Variants in TCF12 observed in about 807,000 individuals in gnomAD.
TCF12 encodes the protein transcription factor 12.
In TCF12, 45 loss-of-function variants were observed where a neutral mutation model predicts 86.0. The ratio of observed to expected loss-of-function variants is 0.52; its 90% CI spans 0.41 to 0.67. TCF12 has a LOEUF of 0.67. TCF12 is among the 30% of genes least tolerant of loss of function. The pLI is 0.00. For missense variants in TCF12, 881 were observed against 859.9 expected (o/e 1.02, Z -0.31); for synonymous variants, 330 against 299.6 (o/e 1.10, Z -1.05).
intron 3 of TCF12, among the ~76,000 whole-genome samples, chr15:56,964,453 G>A (rs1261657248): frequency 6.6e-6 from 1 of 151,716 alleles, no homozygotes; most frequent in Non-Finnish European, 1.5e-5. Context: ...TTCACTCCTG[G>A]TTTTGCTCTG....
intron 12 of TCF12, among the ~76,000 whole-genome samples, chr15:57,238,111 T>C (rs2059455060): frequency 6.6e-6 from 1 of 152,346 alleles, no homozygotes; most frequent in Non-Finnish European, 1.5e-5. Context: ...GCTTTTATTG[T>C]ACAAATGGAG....
chr15:57,119,392 A>G (rs761175838), intron 5 of TCF12, among the ~76,000 whole-genome samples: 3 of 150,240 alleles, frequency 2.0e-5, no homozygotes, highest in Non-Finnish European at 3.0e-5. Flanking sequence ...ATGTGAAGCA[A>G]TCCTCTCCGC....
At chr15:57,051,024 C>T (rs2067576632) in intron 3 of TCF12, among the ~76,000 whole-genome samples, 1 of 152,116 alleles carries the variant, frequency 6.6e-6, no homozygotes, top group Non-Finnish European at 1.5e-5. Flanking sequence ...TTTTATTTCA[C>T]CACACATGTA....
intron 3 of TCF12, among the ~76,000 whole-genome samples, chr15:56,990,234 TGTGTGTCTGTGTGTGCGTGTGC>T (rs1453052957): frequency 0.022 from 3,282 of 147,710 alleles, 101 homozygotes; most frequent in African/African-American, 0.07. Context: ...TTATCGTGTG[TGTGTGTCTGTGTGTGCGTGTGC>T]GTGTGTGTGT....
intron 6 of TCF12, among the ~76,000 whole-genome samples, chr15:57,168,928 C>A (rs2055101242): frequency 6.6e-6 from 1 of 152,104 alleles, no homozygotes; most frequent in African/African-American, 2.4e-5. Context: ...CTCCTGTAAT[C>A]CCAGCTACTT....
At chr15:57,072,911 A>T (rs929171893) in intron 4 of TCF12, among the ~76,000 whole-genome samples, 2 of 152,190 alleles carry the variant, frequency 1.3e-5, no homozygotes, top group African/African-American at 2.4e-5. Context: ...CTGCCTATAA[A>T]TTATAACCTA....
At chr15:57,060,369 T>G (rs2141684489) in intron 3 of TCF12, among the ~76,000 whole-genome samples, 1 of 152,330 alleles carries the variant, frequency 6.6e-6, no homozygotes, top group Non-Finnish European at 1.5e-5. Flanking sequence ...ACATTTGACT[T>G]AATTGATTCC....
At chr15:57,034,262 T>C (rs1421082939) in intron 3 of TCF12, among the ~76,000 whole-genome samples, 1 of 152,186 alleles carries the variant, frequency 6.6e-6, no homozygotes, top group Non-Finnish European at 1.5e-5. Context: ...ATATTGTGAA[T>C]GGAAGAATCT....
intron 8 of TCF12, among the ~76,000 whole-genome samples, chr15:57,209,471 A>G (rs1007069398): frequency 1.3e-5 from 2 of 152,222 alleles, no homozygotes; most frequent in Non-Finnish European, 2.9e-5. Flanking sequence ...TTATTTTTCT[A>G]AAGGAAATAA....
chr15:57,023,644 T>G (rs1165145261), intron 3 of TCF12, among the ~76,000 whole-genome samples: 3 of 152,142 alleles, frequency 2.0e-5, no homozygotes, highest in African/African-American at 7.2e-5. Flanking sequence ...TTGGAAAGAC[T>G]CAAACACAGG....
intron 4 of TCF12, among the ~76,000 whole-genome samples, chr15:57,064,315 A>G (rs2068683004): frequency 6.6e-6 from 1 of 152,172 alleles, no homozygotes; most frequent in Non-Finnish European, 1.5e-5. Flanking sequence ...AAATAGGACC[A>G]AGTCAACTTT....
At chr15:56,971,384 G>A (rs771312133) in intron 3 of TCF12, among the ~76,000 whole-genome samples, 1 of 151,992 alleles carries the variant, frequency 6.6e-6, no homozygotes, top group Non-Finnish European at 1.5e-5. Context: ...CCGAGATCAC[G>A]CCACTGGACT....
At chr15:56,975,007 T>G (rs1194769784) in intron 3 of TCF12, among the ~76,000 whole-genome samples, 2 of 152,180 alleles carry the variant, frequency 1.3e-5, no homozygotes, top group African/African-American at 4.8e-5. Flanking sequence ...ATAGTGGACC[T>G]CCTTAAAATA....
intron 5 of TCF12, among the ~76,000 whole-genome samples, chr15:57,104,777 T>G (rs2050019182): frequency 6.6e-6 from 1 of 151,564 alleles, no homozygotes; most frequent in Non-Finnish European, 1.5e-5. Context: ...GTCTGAGTGA[T>G]CTCCTTGTTC....
chr15:57,195,569 G>A (rs918026364), intron 7 of TCF12, among the ~76,000 whole-genome samples: 1 of 152,176 alleles, frequency 6.6e-6, no homozygotes, highest in African/African-American at 2.4e-5. Context: ...ATATAGGCTT[G>A]CCTCTTGGGG....
At chr15:57,094,722 G>A (rs1057054539) in intron 5 of TCF12, among the ~76,000 whole-genome samples, 1 of 152,194 alleles carries the variant, frequency 6.6e-6, no homozygotes, top group Admixed American at 6.5e-5. Context: ...TTCAGAAACA[G>A]CTAAAACTAA....
chr15:57,104,319 T>C (rs1207352295), intron 5 of TCF12, among the ~76,000 whole-genome samples: 1 of 151,982 alleles, frequency 6.6e-6, no homozygotes, highest in African/African-American at 2.4e-5. Flanking sequence ...AATCCAAAAA[T>C]ATTATTGGCA....
chr15:57,276,395 T>C (rs1255026338), intron 19 of TCF12, among the ~76,000 whole-genome samples: 7 of 152,322 alleles, frequency 4.6e-5, no homozygotes, highest in South Asian at 4.1e-4. Flanking sequence ...AAAAATGATA[T>C]TCATTTTAAC....
At chr15:57,191,051 G>A (rs1289049692) in intron 6 of TCF12, among the ~76,000 whole-genome samples, 1 of 152,178 alleles carries the variant, frequency 6.6e-6, no homozygotes, top group African/African-American at 2.4e-5. Flanking sequence ...AACCACGTAA[G>A]CATGTGATCA....
Sources: allele counts gnomAD v4.1 joint callset (sites outside exome capture counted in the v4.1 genomes callset), GRCh38; gene constraint gnomAD v4.1.1; transcripts MANE v1.5; gene names NCBI Gene and HGNC (gene_info 2026-07-23, HGNC 2026-07-21).